The following EFNA5 variants were observed in gnomAD, a reference collection of about 807,000 sequenced individuals.
The protein encoded by EFNA5 is ephrin-A5.
A neutral mutation model predicts 22.9 loss-of-function variants in EFNA5; 5 were observed. The ratio of observed to expected loss-of-function variants is 0.22; its 90% CI spans 0.11 to 0.46. The LOEUF is 0.46. EFNA5 is among the 20% of genes least tolerant of loss of function. The pLI is 0.99. For synonymous variants in EFNA5, 113 were observed against 112.2 expected, an observed-to-expected ratio of 1.01 and a Z score of -0.04; for missense variants, 237 against 293.3, an observed-to-expected ratio of 0.81 and a Z score of 1.40.
At position 107,577,487 on chromosome 5, in the gene EFNA5, A is replaced by G. The variant is rs1262201134; in HGVS notation, c.125+93002T>C. The stretch of plus-strand genomic sequence containing the variant: ...GGGTTAAGATGCAAAAGGCAGGCCG[A>G]AACGGGAAATTTAAGGATACCCCAC... On this transcript the variant is annotated intron_variant, in intron 1 of 4. Coordinates refer to ENST00000333274, the MANE Select transcript of EFNA5 (RefSeq NM_001962.3). Among the ~76,000 whole-genome samples, 10 of 152,320 alleles carry G rather than the reference A, an allele frequency of 6.6e-5. No homozygotes were observed. In the East Asian group the frequency reaches 1.7e-3, roughly 26 times the overall value.
At chr5:107,571,078 C>A (rs1192331663) in intron 1 of EFNA5, among the ~76,000 whole-genome samples, 2 of 152,326 alleles carry the variant, frequency 1.3e-5, no homozygotes, top group Middle Eastern at 6.8e-3. Flanking sequence ...GTATTTTCAG[C>A]TGCCTGAGAA....
chr5:107,396,003 C>T (rs981943821), intron 2 of EFNA5, among the ~76,000 whole-genome samples: 1 of 152,122 alleles, frequency 6.6e-6, no homozygotes, highest in Non-Finnish European at 1.5e-5. Context: ...AAAGCAAAGC[C>T]ACAAATCCCA....
At chr5:107,575,681 T>TA (rs1217978694) in intron 1 of EFNA5, among the ~76,000 whole-genome samples, 2 of 152,136 alleles carry the variant, frequency 1.3e-5, no homozygotes, top group Non-Finnish European at 2.9e-5. Flanking sequence ...GCACAGCACA[T>TA]AGTCCTTACC....
chr5:107,630,997 C>A (rs1750237713), intron 1 of EFNA5, among the ~76,000 whole-genome samples: 1 of 152,120 alleles, frequency 6.6e-6, no homozygotes, highest in Non-Finnish European at 1.5e-5. Flanking sequence ...GGAGCAATAA[C>A]ACACACAGAA....
At chr5:107,487,039 G>A (rs1356334011) in intron 1 of EFNA5, among the ~76,000 whole-genome samples, 1 of 152,142 alleles carries the variant, frequency 6.6e-6, no homozygotes, top group Non-Finnish European at 1.5e-5. Flanking sequence ...GGAATCGCCT[G>A]GCACAAAAGA....
chr5:107,554,346 C>G (rs895399354), intron 1 of EFNA5, among the ~76,000 whole-genome samples: 1 of 152,120 alleles, frequency 6.6e-6, no homozygotes, highest in Admixed American at 6.6e-5. Context: ...ATTAAAGCTT[C>G]GAGCACCTTT....
chr5:107,460,806 T>C (rs1002494150), intron 1 of EFNA5, among the ~76,000 whole-genome samples: 3 of 152,218 alleles, frequency 2.0e-5, no homozygotes, highest in East Asian at 3.9e-4. Context: ...TGTCTTTGCA[T>C]GGGCATCTAT....
At chr5:107,631,625 T>G (rs1243171840) in intron 1 of EFNA5, among the ~76,000 whole-genome samples, 1 of 152,116 alleles carries the variant, frequency 6.6e-6, no homozygotes, top group Non-Finnish European at 1.5e-5. Flanking sequence ...GATGTAGACA[T>G]GTTTATTTTC....
At chr5:107,481,958 T>C (rs535254946) in intron 1 of EFNA5, among the ~76,000 whole-genome samples, 120 of 152,274 alleles carry the variant, frequency 7.9e-4, no homozygotes, top group African/African-American at 2.8e-3. Context: ...CACTGTCTTG[T>C]GTAATCATAC....
At chr5:107,657,169 T>A (rs189056976) in intron 1 of EFNA5, among the ~76,000 whole-genome samples, 4 of 152,246 alleles carry the variant, frequency 2.6e-5, no homozygotes, top group African/African-American at 9.6e-5. Flanking sequence ...TTTCTTTTTT[T>A]AAAAATGGAG....
At chr5:107,545,469 A>G (rs2112463823) in intron 1 of EFNA5, among the ~76,000 whole-genome samples, 1 of 152,364 alleles carries the variant, frequency 6.6e-6, no homozygotes, top group East Asian at 1.9e-4. Flanking sequence ...CCTGGGTTTT[A>G]GCAAGTGAGC....
chr5:107,409,245 C>T (rs959127885), intron 2 of EFNA5, among the ~76,000 whole-genome samples: 3 of 152,224 alleles, frequency 2.0e-5, no homozygotes, highest in African/African-American at 7.2e-5. Flanking sequence ...GAAGCACCTA[C>T]ATTTCCACAT....
chr5:107,531,815 C>G (rs532450055), intron 1 of EFNA5, among the ~76,000 whole-genome samples: 6 of 152,208 alleles, frequency 3.9e-5, no homozygotes, highest in African/African-American at 1.4e-4. Flanking sequence ...GCTTATGCTA[C>G]AGAAATCTTG....
intron 2 of EFNA5, among the ~76,000 whole-genome samples, chr5:107,420,902 C>T (rs1302941996): frequency 6.6e-6 from 1 of 152,132 alleles, no homozygotes; most frequent in African/African-American, 2.4e-5. Flanking sequence ...AAAACTTGCA[C>T]TTCTACGAAA....
rs533458924 is a variant in EFNA5, at chr5:107,398,357, T to C, written c.419-10586A>G. 2.0e-5 allele frequency among the ~76,000 whole-genome samples: 3 copies of C among 152,282 alleles called. No homozygotes were observed. The South Asian group carries it at 6.2e-4, about 32-fold the overall frequency. ...CAGAGATCTGTTTCTGTCTCCTTAC[T>C]AGCACTTAACCCATTCTGTTTTGTT... On this transcript the variant is annotated intron_variant, in intron 2 of 4. Coordinates refer to ENST00000333274, the MANE Select transcript of EFNA5 (RefSeq NM_001962.3).
intron 1 of EFNA5, among the ~76,000 whole-genome samples, chr5:107,589,914 T>C (rs1166261156): frequency 6.6e-6 from 1 of 152,160 alleles, no homozygotes; most frequent in East Asian, 1.9e-4. Flanking sequence ...AATATCTCCT[T>C]CTAGAAACCC....
At chr5:107,416,536 A>G (rs1303382110) in intron 2 of EFNA5, among the ~76,000 whole-genome samples, 1 of 152,304 alleles carries the variant, frequency 6.6e-6, no homozygotes, top group Middle Eastern at 3.4e-3. Flanking sequence ...TAAAACAGAT[A>G]CAGTGCTAGG....
intron 1 of EFNA5, among the ~76,000 whole-genome samples, chr5:107,623,575 A>G (rs533153493): frequency 6.6e-6 from 1 of 152,268 alleles, no homozygotes; most frequent in South Asian, 2.1e-4. Context: ...ATTAAACATA[A>G]CTTTCCATGA....
At chr5:107,382,440 A>G (rs1308314222) in intron 4 of EFNA5, among the ~76,000 whole-genome samples, 1 of 148,816 alleles carries the variant, frequency 6.7e-6, no homozygotes, top group Non-Finnish European at 1.5e-5. Flanking sequence ...TGGCCCAATC[A>G]TAGCTCACTA....
Sources: gnomAD v4.1 joint callset for allele counts (sites outside exome capture counted in the v4.1 genomes callset) on GRCh38, gnomAD v4.1.1 for gene constraint, MANE v1.5 for transcripts, NCBI Gene and HGNC (gene_info 2026-07-23, HGNC 2026-07-21) for gene names.